Variants in CDC42BPB observed in about 807,000 individuals in gnomAD.
The protein encoded by CDC42BPB is CDC42 binding protein kinase beta, also known as serine/threonine-protein kinase MRCK beta.
Under a neutral mutation model 214.9 loss-of-function variants are expected in CDC42BPB, and 37 were observed. That is an observed-to-expected ratio of 0.17 (90% CI 0.13 to 0.23). The LOEUF is 0.23. Among genes scored for constraint, CDC42BPB ranks in the 10% least tolerant of loss-of-function variants. The pLI is 1.00. For missense variants in CDC42BPB, 1,694 were observed against 2,227.0 expected, an observed-to-expected ratio of 0.76 and a Z score of 4.82; for synonymous variants, 931 against 884.0, an observed-to-expected ratio of 1.05 and a Z score of -0.94.
intron 1 of CDC42BPB, among the ~76,000 whole-genome samples, chr14:103,044,613 C>T (rs1185102710): frequency 2.0e-5 from 3 of 152,040 alleles, no homozygotes; most frequent in African/African-American, 7.2e-5. Context: ...TCATGATCCG[C>T]CAGCCTCAGT....
At chr14:102,973,208 A>G (rs1893565728) in intron 12 of CDC42BPB, among the ~76,000 whole-genome samples, 1 of 152,212 alleles carries the variant, frequency 6.6e-6, no homozygotes, top group Non-Finnish European at 1.5e-5. Flanking sequence ...CTGTCAAGCA[A>G]TGAGATGCCA....
intron 5 of CDC42BPB, among the ~76,000 whole-genome samples, chr14:102,993,906 AATCTC>A: frequency 6.6e-6 from 1 of 152,194 alleles, no homozygotes; most frequent in Non-Finnish European, 1.5e-5. Context: ...TCTCCCCAAA[AATCTC>A]ATCATTTAGG....
chr14:102,969,934 A>G (rs571686794), intron 14 of CDC42BPB, among the ~76,000 whole-genome samples: 55 of 152,374 alleles, frequency 3.6e-4, no homozygotes, highest in Non-Finnish European at 6.9e-4. Context: ...AAACTTTTAT[A>G]TAACAAAGGA....
chr14:103,053,328 C>T (rs1332831896), intron 1 of CDC42BPB, among the ~76,000 whole-genome samples: 2 of 151,194 alleles, frequency 1.3e-5, no homozygotes, highest in Admixed American at 1.3e-4. Flanking sequence ...GCCTGGGCAA[C>T]AGAGTGAGAC....
In CDC42BPB at chr14:102,976,807, G is replaced by A. The variant is rs552542384; in HGVS notation, c.1221-758C>T. 1.4e-4 allele frequency among the ~76,000 whole-genome samples: 22 copies of A among 152,346 alleles called. No homozygotes were observed. The East Asian group carries it at 3.9e-3, about 27-fold the overall frequency. On this transcript the variant is annotated intron_variant, in intron 9 of 36. Transcript: ENST00000361246. The stretch of plus-strand genomic sequence containing the variant: ...CCCTGCGGGATCTGTCAAGAGGAGA[G>A]CTCTAGGCCTATCTGGCCAAACTAC...
chr14:102,976,030 A>G lies in CDC42BPB; in HGVS notation c.1240T>C (p.Ser414Pro). The G allele has an allele frequency of 6.2e-7, 1 of 1,611,492 alleles. No homozygotes were observed. The highest frequency in any genetic ancestry group is 8.5e-7 in the Non-Finnish European group (1 of 1,178,172). Residue 414 changes from serine (S) to proline (P), a missense_variant, in exon 10 of 37, where the codon TCT becomes CCT. Ser to Pro is a moderately conservative substitution (Grantham distance 74, BLOSUM62 -1). This residue lies in a region of CDC42BPB where 462 missense variants were observed against 513.5 expected (regional missense o/e 0.90). Transcript: ENST00000361246. ...TTGGACTGCATTATGCTCTTCAGAG[A>G]GCCTCGATCAGAAAAACAGCTGGGA... is the stretch of plus-strand genomic sequence containing the variant. ...TTESCFSDRG[S>P]LKSIMQSNTL...
At chr14:102,978,467 AC>A in intron 8 of CDC42BPB, 1 of 318,882 alleles carries the variant, frequency 3.1e-6, no homozygotes, top group Non-Finnish European at 4.5e-6. Context: ...ACAGGCCGTC[AC>A]CAGGTTAGTG....
chr14:103,057,429 G>T lies in CDC42BPB; in HGVS notation c.-256C>A, dbSNP rs1386872299. 1.6e-6 allele frequency: 1 copy of T among 625,492 alleles called. No individual in the cohort carries two copies. The highest frequency in any genetic ancestry group is 6.6e-5 in the South Asian group (1 of 15,240). 38.7% of individuals were successfully genotyped at this position (625,492 alleles called of 1,614,324 possible). A position where few individuals can be genotyped will look rare whatever the true frequency, so the allele number is the denominator to read the frequency against. ...CTCGGCGCCGCCGCCCTCCCAGCTCGGGCGGCCCGCCCCCGCCGCCCTCAG... is the reference window on the plus strand; with the variant it reads ...CTCGGCGCCGCCGCCCTCCCAGCTCTGGCGGCCCGCCCCCGCCGCCCTCAG... On this transcript the variant is annotated 5_prime_UTR_variant, in exon 1 of 37. Transcript: ENST00000361246.
rs764790988 is a variant in CDC42BPB at position 102,959,696 on chromosome 14, C to A, written c.2836G>T (p.Asp946Tyr). Residue 946 changes from aspartate to tyrosine, a missense_variant, in exon 21 of 37, where the codon GAT becomes TAT. Physicochemically the swap from Asp to Tyr is radical, Grantham distance 160 (BLOSUM62 -3). Transcript: ENST00000361246. ...FRADTGLKLPDFQDSIFEYFN... is the reference protein window; with the variant it reads ...FRADTGLKLPYFQDSIFEYFN... Reference sequence around the variant, plus strand: ...TACTCAAAAATGGAATCCTGAAAATCTGGAAGTTTGAGCCCTGCAAAAAGA... The same window carrying A: ...TACTCAAAAATGGAATCCTGAAAATATGGAAGTTTGAGCCCTGCAAAAAGA... The A allele has an allele frequency of 6.2e-7, 1 of 1,612,168 alleles. No individual in the cohort carries two copies. The highest frequency in any genetic ancestry group is 1.3e-5 in the African/African-American group (1 of 74,796).
intron 5 of CDC42BPB, among the ~76,000 whole-genome samples, chr14:102,989,988 G>A (rs973420430): frequency 1.5e-4 from 23 of 152,270 alleles, no homozygotes; most frequent in African/African-American, 5.1e-4. Context: ...GAAAACGCCT[G>A]CATGGACGAT....
intron 36 of CDC42BPB, among the ~76,000 whole-genome samples, chr14:102,934,815 T>C (rs60340569): frequency 6.6e-6 from 1 of 151,404 alleles, no homozygotes; most frequent in Admixed American, 6.6e-5. Context: ...ATTGAGACCA[T>C]CCTAACACAG....
chr14:103,013,613 T>C (rs990874372), intron 1 of CDC42BPB, among the ~76,000 whole-genome samples: 2 of 152,326 alleles, frequency 1.3e-5, no homozygotes, highest in African/African-American at 4.8e-5. Context: ...ACTGGTGTCC[T>C]TCTAAAAGGA....
intron 9 of CDC42BPB, among the ~76,000 whole-genome samples, chr14:102,977,339 C>CAAA (rs56368090): frequency 4.5e-4 from 38 of 84,926 alleles, no homozygotes; most frequent in East Asian, 6.9e-4. Flanking sequence ...ACTCCGTCTC[C>CAAA]AAAAAAAAAA....
In CDC42BPB at chr14:103,041,616, G is replaced by A. The variant is rs747662808; in HGVS notation, c.175+15383C>T. 1.5e-4 allele frequency: 118 copies of A among 777,360 alleles called. 1 individual carries two copies. The highest frequency in any genetic ancestry group is 2.3e-4 in the Non-Finnish European group (106 of 462,388). 48.2% of individuals were successfully genotyped at this position (777,360 alleles called of 1,614,324 possible). On this transcript the variant is annotated intron_variant, in intron 1 of 36. Transcript: ENST00000361246. ...TGCCCCACATTGCCCTGCACACCGC[G>A]TTGGGACCCATCCGGCCCATCGTGT...
chr14:102,948,098 G>A (rs533261358), intron 26 of CDC42BPB: 2 of 327,012 alleles, frequency 6.1e-6, no homozygotes, highest in East Asian at 2.0e-4. Flanking sequence ...ACTTGGCACA[G>A]CCAGGCAGTC....
intron 1 of CDC42BPB, among the ~76,000 whole-genome samples, chr14:103,044,151 C>T (rs1888160523): frequency 6.6e-6 from 1 of 152,114 alleles, no homozygotes; most frequent in African/African-American, 2.4e-5. Flanking sequence ...TATTAATAAA[C>T]AAAGACTTTT....
intron 1 of CDC42BPB, among the ~76,000 whole-genome samples, chr14:103,051,854 T>G (rs1348558485): frequency 6.6e-6 from 1 of 151,476 alleles, no homozygotes; most frequent in Admixed American, 6.6e-5. Context: ...GGTTTTTTGT[T>G]TTTTTTTTGG....
In CDC42BPB at chr14:102,944,083, G is replaced by A; in HGVS notation, c.4216C>T (p.Leu1406=). ...GGGTCATTGGGATTTACCAGGTTTA[G>A]AGGCTGCCCGTCCCCCTGGATGCTC... is the stretch of plus-strand genomic sequence containing the variant. ...LLSIQGDGQP[L]NLVNPNDPSL... Residue 1406 remains leucine, a synonymous_variant, in exon 30 of 37, where the codon CTA becomes TTA. Transcript: ENST00000361246. The surrounding 1 kb of genome is among the most constrained non-coding windows in gnomAD (Gnocchi z 6.6). 1 of 1,613,580 alleles carries A rather than the reference G, an allele frequency of 6.2e-7. No homozygotes were observed. Among genetic ancestry groups the A allele is most frequent in the Non-Finnish European group, 8.5e-7 (1 of 1,180,022 alleles).
intron 30 of CDC42BPB, among the ~76,000 whole-genome samples, chr14:102,942,523 C>A (rs1235047075): frequency 6.6e-6 from 1 of 152,202 alleles, no homozygotes; most frequent in East Asian, 1.9e-4. Flanking sequence ...TCTGATAGAT[C>A]AGAGGGATTC....
Sources: allele counts gnomAD v4.1 joint callset (sites outside exome capture counted in the v4.1 genomes callset), GRCh38; gene constraint gnomAD v4.1.1; regional missense constraint gnomAD v4.1.1; non-coding constraint Gnocchi (gnomAD v3.1); transcripts MANE v1.5; gene names NCBI Gene and HGNC (gene_info 2026-07-23, HGNC 2026-07-21).